Variants in AHCY observed in about 807,000 individuals in gnomAD.
AHCY encodes adenosylhomocysteinase.
In AHCY, 24 loss-of-function variants were observed where a neutral mutation model predicts 45.4. That is an observed-to-expected ratio of 0.53 (90% CI 0.38 to 0.74). AHCY has a LOEUF of 0.74. Ranked by LOEUF, AHCY falls within the 30% of genes least tolerant of loss-of-function variation. The probability of loss-of-function intolerance (pLI) is 0.00; values close to 1 mark genes in which losing one functional copy is unlikely to be tolerated. For missense variants in AHCY, 449 were observed against 594.1 expected (o/e 0.76, Z 2.54); for synonymous variants, 245 against 235.1 (o/e 1.04, Z -0.39).
the AHCY span, chr20:34,241,514 C>T: frequency 1.0e-6 from 1 of 985,442 alleles, no homozygotes; most frequent in Non-Finnish European, 1.2e-6. Flanking sequence ...CAACTTTAAT[C>T]TGCTTTCAGG....
At chr20:34,232,776 G>T in the AHCY span, among the ~76,000 whole-genome samples, 2 of 152,330 alleles carry the variant, frequency 1.3e-5, no homozygotes, top group Admixed American at 1.3e-4. Context: ...GGCACAGAAG[G>T]CATAGTGTCA....
At chr20:34,294,911 A>G (rs1448147018) in intron 2 of AHCY, among the ~76,000 whole-genome samples, 1 of 152,122 alleles carries the variant, frequency 6.6e-6, no homozygotes, top group Non-Finnish European at 1.5e-5. Context: ...CCCTCTGTGG[A>G]TTTTGGCTCC....
At chr20:34,277,032 C>CTGTGAT (rs2035915096), downstream of AHCY, among the ~76,000 whole-genome samples, 1 of 152,092 alleles carries the variant, frequency 6.6e-6, no homozygotes, top group African/African-American at 2.4e-5. Context: ...TCAACAGTCC[C>CTGTGAT]CGTGATCCGG....
intron 1 of AHCY, among the ~76,000 whole-genome samples, chr20:34,298,074 G>A (rs186036078): frequency 1.3e-5 from 2 of 152,218 alleles, no homozygotes; most frequent in Admixed American, 6.5e-5. Flanking sequence ...GGGAGGCAGA[G>A]GCTGCAATGA....
chr20:34,269,852 G>A, the AHCY span, among the ~76,000 whole-genome samples: 1 of 148,438 alleles, frequency 6.7e-6, no homozygotes, highest in African/African-American at 2.5e-5. Flanking sequence ...GCTGAGGCAG[G>A]AGAATCGCTT....
At chr20:34,275,478 A>G (rs973392490), downstream of AHCY, among the ~76,000 whole-genome samples, 5 of 151,986 alleles carry the variant, frequency 3.3e-5, no homozygotes, top group African/African-American at 1.2e-4. Context: ...GGTGTCTTCA[A>G]TGTCTTCTCC....
rs17091705 is a variant in AHCY, at chr20:34,285,641, G to A, written c.973-7C>T. The A allele has an allele frequency of 0.02, 31,864 of 1,612,020 alleles. 5,500 individuals are homozygous for A. In the African/African-American group the frequency reaches 0.37, roughly 19 times the overall value. On this transcript the variant is annotated splice_polypyrimidine_tract_variant and splice_region_variant and intron_variant, in intron 8 of 9. Transcript: ENST00000217426. ...TCAACCGATACCGGTCCACCTACAC[G>A]CAGGCAGGGCAACAGTGAAGGCAGG...
chr20:34,279,829 A>G (rs73261419), downstream of AHCY, among the ~76,000 whole-genome samples: 58 of 152,176 alleles, frequency 3.8e-4, no homozygotes, highest in African/African-American at 1.4e-3. Flanking sequence ...GCACTTTTAA[A>G]AATACTGCAA....
the AHCY span, chr20:34,234,830 CAACA>C: frequency 6.6e-6 from 1 of 152,154 alleles, no homozygotes; most frequent in African/African-American, 2.4e-5. Flanking sequence ...ACAAAAACAA[CAACA>C]AACAGTTTAC....
chr20:34,263,661 C>CTTTTTTT, the AHCY span, among the ~76,000 whole-genome samples: 7 of 134,420 alleles, frequency 5.2e-5, no homozygotes, highest in Non-Finnish European at 6.1e-5. Flanking sequence ...TATTTTATGT[C>CTTTTTTT]TTTTTTTTTT....
intron 1 of AHCY, chr20:34,302,115 C>T (rs2036795751): frequency 2.3e-6 from 1 of 433,262 alleles, no homozygotes; most frequent in Non-Finnish European, 3.1e-6. Flanking sequence ...GTCCTCCTGC[C>T]TCAGCCTCCC....
intron 5 of AHCY, 33 bp downstream of exon 5, chr20:34,291,386 T>C (rs1568799200): frequency 6.3e-7 from 1 of 1,580,156 alleles, no homozygotes; most frequent in Non-Finnish European, 8.7e-7. Context: ...CTGCAGCCAC[T>C]GTAGCGGGAG....
At chr20:34,285,892 A>G (rs2122732832) in intron 8 of AHCY, 1 of 472,110 alleles carries the variant, frequency 2.1e-6, no homozygotes, top group Non-Finnish European at 3.9e-6. Context: ...TGAGGTCAGG[A>G]GATCGAGATT....
the AHCY span, chr20:34,269,037 C>T: frequency 1.2e-6 from 2 of 1,606,674 alleles, no homozygotes; most frequent in Admixed American, 1.7e-5. Context: ...ACCCCCCTAT[C>T]TGCGCCCTGC....
At chr20:34,301,405 G>A (rs997076830) in intron 1 of AHCY, among the ~76,000 whole-genome samples, 1 of 152,168 alleles carries the variant, frequency 6.6e-6, no homozygotes, top group Non-Finnish European at 1.5e-5. Context: ...GGAGAGGCTA[G>A]ATGCTGCAAT....
At chr20:34,270,392 T>C in the AHCY span, among the ~76,000 whole-genome samples, 1 of 152,216 alleles carries the variant, frequency 6.6e-6, no homozygotes, top group African/African-American at 2.4e-5. Context: ...TTTTGTTTTC[T>C]GTTATTTAGG....
intron 1 of AHCY, among the ~76,000 whole-genome samples, chr20:34,300,712 G>A (rs920030148): frequency 6.6e-6 from 1 of 152,216 alleles, no homozygotes; most frequent in African/African-American, 2.4e-5. Flanking sequence ...GTGAAGTGGG[G>A]AACCTACAGT....
At chr20:34,239,846 C>T in the AHCY span, among the ~76,000 whole-genome samples, 7 of 152,212 alleles carry the variant, frequency 4.6e-5, no homozygotes, top group East Asian at 1.9e-4. Flanking sequence ...ACCACGAAAA[C>T]AGACAATGTT....
the AHCY span, among the ~76,000 whole-genome samples, chr20:34,237,378 C>A: frequency 6.6e-6 from 1 of 152,162 alleles, no homozygotes; most frequent in East Asian, 1.9e-4. Flanking sequence ...TTGTACACAT[C>A]TTTCACCCCC....
Sources: gnomAD v4.1 joint callset for allele counts (sites outside exome capture counted in the v4.1 genomes callset) on GRCh38, gnomAD v4.1.1 for gene constraint, MANE v1.5 for transcripts, NCBI Gene and HGNC (gene_info 2026-07-23, HGNC 2026-07-21) for gene names.